Variants in CAST observed in about 807,000 individuals in gnomAD.
The protein encoded by CAST is calpastatin.
Under a neutral mutation model 119.6 loss-of-function variants are expected in CAST, and 76 were observed. That is an observed-to-expected ratio of 0.64 (90% CI 0.53 to 0.77). The LOEUF is 0.77. Ranked by LOEUF, CAST falls within the 30% of genes least tolerant of loss-of-function variation. The pLI is 0.00. For missense variants in CAST, 953 were observed against 946.5 expected (o/e 1.01, Z -0.09); for synonymous variants, 319 against 331.6 (o/e 0.96, Z 0.41).
intron 22 of CAST, chr5:96,755,056 A>G (rs890292838): frequency 5.5e-6 from 1 of 180,616 alleles, no homozygotes; most frequent in Non-Finnish European, 1.2e-5. Flanking sequence ...AAAATGAGGA[A>G]TAGGCCGGGC....
chr5:96,238,894 C>A, the CAST span, among the ~76,000 whole-genome samples: 3 of 152,084 alleles, frequency 2.0e-5, no homozygotes, highest in African/African-American at 4.8e-5. Flanking sequence ...GTACATACCT[C>A]CTTAATCAGC....
intron 3 of CAST, among the ~76,000 whole-genome samples, chr5:96,717,842 T>C (rs768454858): frequency 3.3e-5 from 5 of 152,220 alleles, no homozygotes; most frequent in African/African-American, 4.8e-5. Flanking sequence ...CTAGGACTTA[T>C]TGATATTTCA....
upstream of CAST, among the ~76,000 whole-genome samples, chr5:96,520,288 C>G (rs2150174948): frequency 6.6e-6 from 1 of 152,330 alleles, no homozygotes; most frequent in South Asian, 2.1e-4. Flanking sequence ...CTATTTGCTT[C>G]TGCTATGTCC....
At chr5:96,434,462 A>AT in the CAST span, among the ~76,000 whole-genome samples, 1 of 152,190 alleles carries the variant, frequency 6.6e-6, no homozygotes, top group South Asian at 2.1e-4. Flanking sequence ...GAACAGCAAA[A>AT]TAGGAAATTG....
the CAST span, among the ~76,000 whole-genome samples, chr5:95,980,836 A>G: frequency 6.6e-6 from 1 of 151,636 alleles, no homozygotes; most frequent in African/African-American, 2.4e-5. Context: ...GTGGCTGGGG[A>G]CCCCCAAGAG....
the CAST span, among the ~76,000 whole-genome samples, chr5:96,502,265 A>G: frequency 1.3e-5 from 2 of 152,204 alleles, no homozygotes; most frequent in African/African-American, 4.8e-5. Flanking sequence ...TCCAGCCTCC[A>G]AAGGCAAAGA....
At chr5:96,141,079 G>GTCAGATAAATGTATATTCATTATACAT in the CAST span, among the ~76,000 whole-genome samples, 753 of 151,972 alleles carry the variant, frequency 5.0e-3, 7 homozygotes, top group African/African-American at 0.017. Context: ...GTAGGAATTT[G>GTCAGATAAATGTATATTCATTATACAT]TCAGATAAAT....
At chr5:96,147,603 A>AAAAACAAAAC in the CAST span, among the ~76,000 whole-genome samples, 5,378 of 151,922 alleles carry the variant, frequency 0.035, 129 homozygotes, top group Non-Finnish European at 0.052. Flanking sequence ...ACTCCGTCTC[A>AAAAACAAAAC]AAAACAAAAC....
At chr5:96,365,537 G>A in the CAST span, among the ~76,000 whole-genome samples, 4 of 152,174 alleles carry the variant, frequency 2.6e-5, no homozygotes, top group East Asian at 3.8e-4. Context: ...ATTTAGGATA[G>A]TTAGCTCTTC....
chr5:96,109,212 A>G, the CAST span, among the ~76,000 whole-genome samples: 1 of 152,230 alleles, frequency 6.6e-6, no homozygotes, highest in Non-Finnish European at 1.5e-5. Flanking sequence ...GGAGCTGTAG[A>G]CCAGAGCTGT....
chr5:95,993,070 T>C, the CAST span, among the ~76,000 whole-genome samples: 4 of 152,118 alleles, frequency 2.6e-5, no homozygotes, highest in Non-Finnish European at 4.4e-5. Context: ...AGCATAAAGA[T>C]AGAGATATAG....
At chr5:96,153,225 T>C in the CAST span, among the ~76,000 whole-genome samples, 35 of 152,352 alleles carry the variant, frequency 2.3e-4, no homozygotes, top group Non-Finnish European at 4.6e-4. Flanking sequence ...ACACCAGCCC[T>C]GCAGTCCTTA....
intron 1 of CAST, among the ~76,000 whole-genome samples, chr5:96,614,878 C>T (rs562984944): frequency 6.6e-6 from 1 of 151,738 alleles, no homozygotes; most frequent in African/African-American, 2.4e-5. Flanking sequence ...TATTCTCTTG[C>T]CTTTTAGTTA....
chr5:96,075,977 T>C, the CAST span, among the ~76,000 whole-genome samples: 2 of 152,240 alleles, frequency 1.3e-5, no homozygotes, highest in African/African-American at 4.8e-5. Flanking sequence ...AATTGGTGTC[T>C]GTGCCTTCTT....
At chr5:96,268,501 C>T in the CAST span, among the ~76,000 whole-genome samples, 2 of 152,158 alleles carry the variant, frequency 1.3e-5, no homozygotes, top group African/African-American at 4.8e-5. Flanking sequence ...TCCCTTGAAT[C>T]CATGAATTTG....
chr5:96,421,946 G>T, the CAST span: 2 of 1,490,868 alleles, frequency 1.3e-6, no homozygotes, highest in Non-Finnish European at 1.8e-6. Context: ...ATCATAGCTA[G>T]CCTCTGGATC....
chr5:96,333,845 C>G, the CAST span, among the ~76,000 whole-genome samples: 3 of 152,176 alleles, frequency 2.0e-5, no homozygotes. Flanking sequence ...CCCTTAGCCT[C>G]TCTGAGCTTC....
At chr5:96,654,748 C>T (rs938919003) in intron 1 of CAST, among the ~76,000 whole-genome samples, 15 of 152,052 alleles carry the variant, frequency 9.9e-5, no homozygotes, top group Non-Finnish European at 8.8e-5. Context: ...TATTGCAATA[C>T]ATTTGGAAGT....
At chr5:96,728,997 ACTT>A in intron 6 of CAST, 153 bp from the exon 7 acceptor site, 1 of 590,780 alleles carries the variant, frequency 1.7e-6, no homozygotes, top group South Asian at 2.1e-5. Context: ...CCACATGTCT[ACTT>A]CTGTGATCCT....
Sources: gnomAD v4.1 joint callset for allele counts (sites outside exome capture counted in the v4.1 genomes callset) on GRCh38, gnomAD v4.1.1 for gene constraint, MANE v1.5 for transcripts, NCBI Gene and HGNC (gene_info 2026-07-23, HGNC 2026-07-21) for gene names.